The following ING5 variants were observed in gnomAD, a reference collection of about 807,000 sequenced individuals.
The protein encoded by ING5 is inhibitor of growth family member 5.
A neutral mutation model predicts 37.4 loss-of-function variants in ING5; 17 were observed. The ratio of observed to expected loss-of-function variants is 0.45; its 90% confidence interval spans 0.31 to 0.68. The LOEUF is 0.68. Among genes scored for constraint, ING5 ranks in the 30% least tolerant of loss-of-function variants. The pLI is 0.05. For missense variants in ING5, 233 were observed against 311.9 expected, an observed-to-expected ratio of 0.75 and a Z score of 1.91; for synonymous variants, 123 against 116.6, an observed-to-expected ratio of 1.06 and a Z score of -0.36.
At chr2:241,689,906 C>T (rs770893044) in exon 2 of ING5, 3 of 140,854 alleles carry the variant, frequency 2.1e-5, no homozygotes, top group Non-Finnish European at 4.7e-5. Flanking sequence ...TAAGGAAGAC[C>T]ACCTTCCAGA....
chr2:241,720,468 C>A, intron 5 of ING5: 1 of 1,022,608 alleles, frequency 9.8e-7, no homozygotes, highest in African/African-American at 1.7e-5. Context: ...CTCCGTGTCT[C>A]GTCTGAGATC....
At chr2:241,692,165 G>A (rs2069566335) in intron 2 of ING5, among the ~76,000 whole-genome samples, 1 of 152,148 alleles carries the variant, frequency 6.6e-6, no homozygotes. Flanking sequence ...CCAGTCATGT[G>A]GTGAGCCCCT....
rs913216350 is a variant in ING5 at position 241,725,285 on chromosome 2, G to T, written c.*254G>T. The stretch of plus-strand genomic sequence containing the variant: ...CCCCCCGAGCATCAGCAGGGACCCC[G>T]GCGGACGTGGGCGGGCGCGCGTGAG... On this transcript the variant is annotated 3_prime_UTR_variant, in exon 8 of 8. Transcript: ENST00000313552. 4 of 509,568 alleles carry T rather than the reference G, an allele frequency of 7.8e-6. No homozygotes were observed. The highest frequency in any genetic ancestry group is 1.4e-5 in the Non-Finnish European group (4 of 280,308). 31.6% of individuals were successfully genotyped at this position (509,568 alleles called of 1,614,324 possible).
intron 7 of ING5, chr2:241,724,036 C>T (rs1279724034): frequency 2.2e-6 from 3 of 1,393,676 alleles, no homozygotes; most frequent in Non-Finnish European, 2.8e-6. Flanking sequence ...AGATAAAAAC[C>T]TGGCTTTGTT....
chr2:241,710,066 C>A (rs1053314759), intron 3 of ING5, among the ~76,000 whole-genome samples: 2 of 151,768 alleles, frequency 1.3e-5, no homozygotes, highest in African/African-American at 2.4e-5. Context: ...CCTCAGTCTC[C>A]CGAGTAGCTG....
chr2:241,702,427 C>T (rs1359870617), intron 1 of ING5, among the ~76,000 whole-genome samples: 4 of 151,820 alleles, frequency 2.6e-5, no homozygotes, highest in African/African-American at 4.8e-5. Flanking sequence ...GGCCCCGCCT[C>T]ATCTCCGCCC....
intron 2 of ING5, among the ~76,000 whole-genome samples, chr2:241,706,640 A>AG (rs891340287): frequency 1.2e-4 from 18 of 151,758 alleles, no homozygotes; most frequent in South Asian, 6.3e-4. Context: ...AAAAAAAAAA[A>AG]AAAGAAAAAA....
intron 7 of ING5, chr2:241,724,029 TAAA>T (rs1341132649): frequency 2.5e-5 from 35 of 1,393,328 alleles, no homozygotes; most frequent in Non-Finnish European, 3.1e-5. Flanking sequence ...AATAAAAAGA[TAAA>T]AACCTGGCTT....
chr2:241,718,542 A>T (rs578167438), intron 5 of ING5, among the ~76,000 whole-genome samples: 1 of 151,136 alleles, frequency 6.6e-6, no homozygotes, highest in African/African-American at 2.4e-5. Flanking sequence ...CAGCCTCCCA[A>T]GTAGCTGGAA....
chr2:241,704,880 G>A (rs1472896959), intron 2 of ING5, among the ~76,000 whole-genome samples, 156 bp downstream of exon 2: 1 of 152,156 alleles, frequency 6.6e-6, no homozygotes. Flanking sequence ...TCTTGCAGTA[G>A]GTGTTGATAC....
intron 5 of ING5, among the ~76,000 whole-genome samples, chr2:241,714,021 A>T (rs1489966807): frequency 1.3e-5 from 2 of 151,968 alleles, no homozygotes; most frequent in Non-Finnish European, 2.9e-5. Context: ...ACATTCTCGT[A>T]TTGTAAAGTA....
upstream of ING5, among the ~76,000 whole-genome samples, chr2:241,700,339 A>G (rs562466616): frequency 2.9e-4 from 43 of 150,106 alleles, no homozygotes; most frequent in African/African-American, 9.6e-4. Flanking sequence ...TTGTAGTTTT[A>G]GTAGAGATGG....
At chr2:241,721,062 T>C in intron 5 of ING5, 1 of 985,600 alleles carries the variant, frequency 1.0e-6, no homozygotes, top group Non-Finnish European at 1.2e-6. Context: ...CAGGTCGGGC[T>C]TTGTGGACAG....
chr2:241,723,358 G>A (rs1159277264), intron 7 of ING5, 87 bp downstream of exon 7: 1 of 1,398,526 alleles, frequency 7.2e-7, no homozygotes, highest in African/African-American at 1.4e-5. Context: ...CTCCATGGCA[G>A]AATCTTGCCG....
chr2:241,699,697 G>T (rs1285297612), upstream of ING5, among the ~76,000 whole-genome samples: 1 of 152,124 alleles, frequency 6.6e-6, no homozygotes, highest in Non-Finnish European at 1.5e-5. Flanking sequence ...TGGGGCGGGG[G>T]GTTCTGGGGC....
chr2:241,695,845 T>G (rs571766691), intron 2 of ING5, among the ~76,000 whole-genome samples: 132 of 152,308 alleles, frequency 8.7e-4, no homozygotes, highest in African/African-American at 3.1e-3. Flanking sequence ...TTTGTTAAAG[T>G]CTGATACACC....
At chr2:241,704,955 C>T (rs1409758367) in intron 2 of ING5, among the ~76,000 whole-genome samples, 1 of 152,218 alleles carries the variant, frequency 6.6e-6, no homozygotes, top group Non-Finnish European at 1.5e-5. Flanking sequence ...TAACCATCAC[C>T]CTTTCCAATC....
chr2:241,702,862 A>T (rs75536305), intron 1 of ING5, among the ~76,000 whole-genome samples: 19,964 of 152,208 alleles, frequency 0.13, 1,717 homozygotes, highest in East Asian at 0.42. Flanking sequence ...TCGGCCCGGG[A>T]TGGGCACAGC....
chr2:241,702,034 C>T, upstream of ING5: 2 of 1,358,146 alleles, frequency 1.5e-6, no homozygotes, highest in East Asian at 3.3e-5. Flanking sequence ...ACCGCCCGCC[C>T]GCGCAGACCC....
Sources: gnomAD v4.1 joint callset for allele counts (sites outside exome capture counted in the v4.1 genomes callset) on GRCh38, gnomAD v4.1.1 for gene constraint, MANE v1.5 for transcripts, NCBI Gene and HGNC (gene_info 2026-07-23, HGNC 2026-07-21) for gene names.